The following MAP4K5 variants were observed in gnomAD, a reference collection of about 807,000 sequenced individuals.
MAP4K5 encodes the protein mitogen-activated protein kinase kinase kinase kinase 5.
In MAP4K5, 82 loss-of-function variants were observed where a neutral mutation model predicts 135.6. The observed-to-expected ratio is 0.60, with a 90% CI of 0.51 to 0.73. The LOEUF (loss-of-function observed/expected upper bound fraction) is 0.73, where lower values mean the gene tolerates loss of function less well. MAP4K5 is among the 30% of genes least tolerant of loss of function. The pLI, the probability that MAP4K5 is intolerant of heterozygous loss-of-function variation, is 0.00. For synonymous variants in MAP4K5, 347 were observed against 335.0 expected, an observed-to-expected ratio of 1.04 and a Z score of -0.39; for missense variants, 907 against 1,010.9, an observed-to-expected ratio of 0.90 and a Z score of 1.39.
chr14:50,552,428 A>T (rs182574443), intron 1 of MAP4K5, among the ~76,000 whole-genome samples: 1 of 152,242 alleles, frequency 6.6e-6, no homozygotes, highest in African/African-American at 2.4e-5. Context: ...TATTGTGAAC[A>T]TGACCATACT....
intron 12 of MAP4K5, among the ~76,000 whole-genome samples, chr14:50,463,531 T>C (rs1435039351): frequency 6.6e-6 from 1 of 152,118 alleles, no homozygotes; most frequent in African/African-American, 2.4e-5. Flanking sequence ...AACTCAGTAG[T>C]TGTGGCAGAG....
At chr14:50,448,729 C>A in intron 15 of MAP4K5, 45 bp downstream of exon 15, 2 of 1,235,746 alleles carry the variant, frequency 1.6e-6, no homozygotes, top group Non-Finnish European at 2.3e-6. Context: ...AAAAAGTTTT[C>A]TCAAATCTTA....
chr14:50,537,997 G>A (rs1001367726), intron 2 of MAP4K5, among the ~76,000 whole-genome samples: 2 of 152,146 alleles, frequency 1.3e-5, no homozygotes, highest in Non-Finnish European at 2.9e-5. Flanking sequence ...GTTTTGAAAC[G>A]TGAGGACATG....
intron 14 of MAP4K5, among the ~76,000 whole-genome samples, chr14:50,454,395 T>C (rs1367857250): frequency 6.6e-6 from 1 of 152,094 alleles, no homozygotes; most frequent in Non-Finnish European, 1.5e-5. Flanking sequence ...TATTTAAAAA[T>C]TTACCCTGGA....
At chr14:50,553,083 T>A (rs1230230345) in intron 1 of MAP4K5, among the ~76,000 whole-genome samples, 1 of 151,904 alleles carries the variant, frequency 6.6e-6, no homozygotes, top group Non-Finnish European at 1.5e-5. Flanking sequence ...TTACTTGAGG[T>A]CAGGAGTTCA....
At chr14:50,457,724 G>C (rs1240535024) in intron 13 of MAP4K5, among the ~76,000 whole-genome samples, 1 of 152,008 alleles carries the variant, frequency 6.6e-6, no homozygotes, top group Admixed American at 6.6e-5. Context: ...ACAAATCTCT[G>C]ATCTTTTGAG....
In MAP4K5 at chr14:50,464,092, T is replaced by C. The variant is rs2036776737; in HGVS notation, c.779A>G (p.Lys260Arg). The part of the protein sequence containing the change: ...FHNFVKIALT[K>R]NPKKRPTAER... ...AGCAGTTGGTCTTTTTTTTGGGTTT[T>C]TGGTTAGTGCTATTTTGACAAAATT... The change falls in exon 12 of 33, where the codon AAA (lysine) becomes AGA (arginine). Residue 260 changes from lysine (K) to arginine (R), a missense_variant. By Grantham distance (26) the Lys-to-Arg change is conservative. Around this residue, in one of 3 missense-constraint regions of MAP4K5, gnomAD observed 690 missense variants for 777.4 expected, o/e 0.89. Coordinates refer to ENST00000682126, the MANE Select transcript of MAP4K5 (RefSeq NM_006575.6). 1 of 1,548,348 alleles carries C rather than the reference T, an allele frequency of 6.5e-7. No homozygotes were observed. The highest frequency in any genetic ancestry group is 2.4e-5 in the East Asian group (1 of 41,302).
chr14:50,520,985 G>A (rs944022709), intron 2 of MAP4K5, among the ~76,000 whole-genome samples: 3 of 152,020 alleles, frequency 2.0e-5, no homozygotes, highest in African/African-American at 4.8e-5. Context: ...ACCACACCCA[G>A]CTAATTTTTG....
chr14:50,426,954 G>GT (rs1164482334), intron 30 of MAP4K5, among the ~76,000 whole-genome samples: 1 of 152,130 alleles, frequency 6.6e-6, no homozygotes, highest in African/African-American at 2.4e-5. Flanking sequence ...AAAAGTTAAT[G>GT]TAAGAATGTT....
At chr14:50,471,933 T>C (rs2036973392) in intron 9 of MAP4K5, 1 of 152,282 alleles carries the variant, frequency 6.6e-6, no homozygotes, top group Non-Finnish European at 1.5e-5. Context: ...AAGCCTTCAA[T>C]CAATACAGTT....
intron 6 of MAP4K5, among the ~76,000 whole-genome samples, chr14:50,477,713 T>C (rs1009190700): frequency 3.9e-5 from 6 of 152,214 alleles, no homozygotes; most frequent in African/African-American, 1.4e-4. Context: ...CTAAATGCCC[T>C]GTGTGTATTT....
chr14:50,550,945 T>G (rs899883951), intron 1 of MAP4K5, among the ~76,000 whole-genome samples: 2 of 151,600 alleles, frequency 1.3e-5, no homozygotes, highest in African/African-American at 4.8e-5. Context: ...TCAAAAAGTC[T>G]GAAAGAGCAC....
intron 2 of MAP4K5, among the ~76,000 whole-genome samples, chr14:50,517,183 A>G (rs1264047229): frequency 6.8e-6 from 1 of 147,398 alleles, no homozygotes; most frequent in Non-Finnish European, 1.5e-5. Context: ...ACAGAGTCTC[A>G]CTCTGTCACC....
intron 9 of MAP4K5, 66 bp downstream of exon 9, chr14:50,475,011 T>C (rs753242984): frequency 3.5e-5 from 44 of 1,273,226 alleles, no homozygotes; most frequent in Non-Finnish European, 4.8e-5. Context: ...TTACCAAGTA[T>C]CGAGGTTGAT....
chr14:50,512,778 G>A (rs762445865), intron 2 of MAP4K5, among the ~76,000 whole-genome samples: 12 of 152,070 alleles, frequency 7.9e-5, no homozygotes, highest in Non-Finnish European at 8.8e-5. Flanking sequence ...ACAAATTCGC[G>A]CTATAATCCA....
chr14:50,498,779 AGTT>A, intron 3 of MAP4K5, among the ~76,000 whole-genome samples: 1 of 152,218 alleles, frequency 6.6e-6, no homozygotes, highest in Non-Finnish European at 1.5e-5. Context: ...ACCAGACATA[AGTT>A]TTTTTCTAAG....
At chr14:50,443,858 A>G in intron 19 of MAP4K5, 81 bp downstream of exon 19, 1 of 1,468,334 alleles carries the variant, frequency 6.8e-7, no homozygotes, top group Non-Finnish European at 9.4e-7. Context: ...TACTTGAATT[A>G]CTGAATTAAA....
intron 2 of MAP4K5, among the ~76,000 whole-genome samples, chr14:50,518,446 C>T (rs993719733): frequency 6.6e-6 from 1 of 152,122 alleles, no homozygotes; most frequent in Non-Finnish European, 1.5e-5. Context: ...CCCTGTGTCC[C>T]TGTGTTCTCA....
chr14:50,436,696 T>C (rs529927051), intron 26 of MAP4K5, among the ~76,000 whole-genome samples: 10 of 152,194 alleles, frequency 6.6e-5, no homozygotes, highest in East Asian at 5.8e-4. Flanking sequence ...ACTCTGGACA[T>C]CGAGGCTCGA....
Sources: allele counts gnomAD v4.1 joint callset (sites outside exome capture counted in the v4.1 genomes callset), GRCh38; gene constraint gnomAD v4.1.1; regional missense constraint gnomAD v4.1.1; transcripts MANE v1.5; gene names NCBI Gene and HGNC (gene_info 2026-07-23, HGNC 2026-07-21).